Variants in FHIT observed in about 807,000 individuals in gnomAD.
FHIT encodes bis(5'-adenosyl)-triphosphatase.
In FHIT, 19 loss-of-function variants were observed where a neutral mutation model predicts 17.9. The ratio of observed to expected loss-of-function variants is 1.06; its 90% CI spans 0.74 to 1.56. The LOEUF (loss-of-function observed/expected upper bound fraction) is 1.56, where lower values mean the gene tolerates loss of function less well. Among genes scored for constraint, FHIT ranks in the 40% most tolerant of loss-of-function variants. The pLI, the probability that FHIT is intolerant of heterozygous loss-of-function variation, is 0.00. For synonymous variants in FHIT, 81 were observed against 69.7 expected, an observed-to-expected ratio of 1.16 and a Z score of -0.81; for missense variants, 248 against 189.2, an observed-to-expected ratio of 1.31 and a Z score of -1.82.
At chr3:60,042,791 T>C (rs1701494935) in intron 5 of FHIT, among the ~76,000 whole-genome samples, 1 of 152,036 alleles carries the variant, frequency 6.6e-6, no homozygotes, top group Admixed American at 6.6e-5. Context: ...AAGATATTAA[T>C]GTTCAAAAAA....
chr3:60,652,504 A>AG (rs1279956101), intron 4 of FHIT, among the ~76,000 whole-genome samples: 2 of 152,012 alleles, frequency 1.3e-5, no homozygotes, highest in Non-Finnish European at 2.9e-5. Context: ...GAGGCCCAGG[A>AG]GGGCGGATCA....
intron 8 of FHIT, among the ~76,000 whole-genome samples, chr3:59,804,267 G>T: frequency 6.6e-6 from 1 of 152,276 alleles, no homozygotes; most frequent in Non-Finnish European, 1.5e-5. Flanking sequence ...ACTGCCAGGC[G>T]TCGGTCAAGT....
chr3:60,151,502 T>C (rs1700463625), intron 5 of FHIT, among the ~76,000 whole-genome samples: 1 of 152,142 alleles, frequency 6.6e-6, no homozygotes, highest in Non-Finnish European at 1.5e-5. Flanking sequence ...ACAGATGAGA[T>C]CACAGCACTA....
rs546466773 is a variant in FHIT at position 59,850,743 on chromosome 3, G to C, written c.348+71603C>G. 2.0e-5 allele frequency among the ~76,000 whole-genome samples: 3 copies of C among 152,296 alleles called. No homozygotes were observed. In the East Asian group the frequency reaches 5.8e-4, roughly 29 times the overall value. ...AACAATGACTGAAGGACTCACACAT[G>C]TCTGAGAAAAGGCACCTTGTGGGTG... On this transcript the variant is annotated intron_variant, in intron 8 of 9. Transcript: ENST00000492590.
At chr3:61,208,956 G>T in intron 1 of FHIT, among the ~76,000 whole-genome samples, 1 of 151,624 alleles carries the variant, frequency 6.6e-6, no homozygotes, top group Non-Finnish European at 1.5e-5. Context: ...GGCTGGTACT[G>T]GTTGTTCCTT....
In FHIT at chr3:60,285,500, G is replaced by C. The variant is rs183117702; in HGVS notation, c.103+251360C>G. Among the ~76,000 whole-genome samples, 3 of 152,244 alleles carry C rather than the reference G, an allele frequency of 2.0e-5. No individual in the cohort carries two copies. The South Asian group carries it at 6.2e-4, about 32-fold the overall frequency. ...CTTAATCTTCATAAAGCCTGTGATGGATTTTTCACTTGTCTACTTGGCTAA... is the reference window on the plus strand; with the variant it reads ...CTTAATCTTCATAAAGCCTGTGATGCATTTTTCACTTGTCTACTTGGCTAA... On this transcript the variant is annotated intron_variant, in intron 5 of 9. Transcript: ENST00000492590.
chr3:59,937,548 T>G (rs1706303551), intron 7 of FHIT, among the ~76,000 whole-genome samples: 1 of 152,192 alleles, frequency 6.6e-6, no homozygotes, highest in Non-Finnish European at 1.5e-5. Context: ...GTGCAACATT[T>G]TAAAACTGTG....
intron 5 of FHIT, among the ~76,000 whole-genome samples, chr3:60,265,482 ACCTTC>A (rs1307300799): frequency 2.0e-5 from 3 of 152,018 alleles, no homozygotes; most frequent in African/African-American, 7.2e-5. Flanking sequence ...ATACATGTAA[ACCTTC>A]ATGAGTACGG....
At chr3:60,964,262 G>GT (rs542590002) in intron 3 of FHIT, among the ~76,000 whole-genome samples, 2,039 of 145,532 alleles carry the variant, frequency 0.014, 23 homozygotes, top group Middle Eastern at 0.033. Context: ...ACCCCTGCTT[G>GT]TTTTTTTTTT....
intron 4 of FHIT, among the ~76,000 whole-genome samples, chr3:60,722,390 G>A (rs1260411760): frequency 6.6e-6 from 1 of 152,182 alleles, no homozygotes; most frequent in Non-Finnish European, 1.5e-5. Flanking sequence ...TAAAAGGTGA[G>A]GTAGTTATTG....
intron 4 of FHIT, among the ~76,000 whole-genome samples, chr3:60,671,773 C>A (rs2107843338): frequency 4.8e-5 from 2 of 41,594 alleles, no homozygotes; most frequent in Middle Eastern, 0.011. Flanking sequence ...AACCCCATCT[C>A]TACTAAAAAA....
At chr3:60,106,775 C>T (rs775715976) in intron 5 of FHIT, among the ~76,000 whole-genome samples, 42 of 152,254 alleles carry the variant, frequency 2.8e-4, no homozygotes, top group Middle Eastern at 3.4e-3. Context: ...TATTGATGGA[C>T]GGCAGGAAAC....
intron 3 of FHIT, among the ~76,000 whole-genome samples, chr3:61,011,145 T>C (rs1419287950): frequency 2.0e-5 from 3 of 152,192 alleles, no homozygotes; most frequent in African/African-American, 7.2e-5. Flanking sequence ...TAATTTTAGA[T>C]TATAAAAGTT....
intron 5 of FHIT, among the ~76,000 whole-genome samples, chr3:60,279,126 T>C (rs548938181): frequency 2.0e-5 from 3 of 152,118 alleles, no homozygotes; most frequent in African/African-American, 7.2e-5. Context: ...ATCAATAAAA[T>C]TGCTAAACCT....
intron 4 of FHIT, among the ~76,000 whole-genome samples, chr3:60,740,657 T>C (rs1357593314): frequency 1.3e-5 from 2 of 152,208 alleles, no homozygotes; most frequent in African/African-American, 2.4e-5. Flanking sequence ...CTAGAACATC[T>C]TTTATTTTCC....
In FHIT at chr3:60,922,516, C is replaced by A. The variant is rs1234602943; in HGVS notation, c.-110-100505G>T. Among the ~76,000 whole-genome samples, 7 of 152,274 alleles carry A rather than the reference C, an allele frequency of 4.6e-5. No homozygotes were observed. In the East Asian group the frequency reaches 5.8e-4, roughly 13 times the overall value. On this transcript the variant is annotated intron_variant, in intron 3 of 9. Coordinates refer to ENST00000492590, the MANE Select transcript of FHIT (RefSeq NM_002012.4). Reference sequence around the variant, plus strand: ...ATGATGTCTAGGAGGTACCCACCTTCAGGAGAAAGAAATTGCCTTTGCAAT... The same window carrying A: ...ATGATGTCTAGGAGGTACCCACCTTAAGGAGAAAGAAATTGCCTTTGCAAT...
At chr3:60,421,028 TA>T (rs1401629622) in intron 5 of FHIT, among the ~76,000 whole-genome samples, 13 of 114,918 alleles carry the variant, frequency 1.1e-4, no homozygotes, top group Non-Finnish European at 2.0e-4. Context: ...TTTCTCCCAC[TA>T]CTTTTTTTTT....
intron 5 of FHIT, among the ~76,000 whole-genome samples, chr3:60,301,026 A>G (rs1192299409): frequency 6.6e-6 from 1 of 151,864 alleles, no homozygotes; most frequent in African/African-American, 2.4e-5. Context: ...TCCCGAGTCC[A>G]TTCTAGATTC....
intron 5 of FHIT, among the ~76,000 whole-genome samples, chr3:60,038,874 G>A (rs1232522286): frequency 6.6e-6 from 1 of 152,124 alleles, no homozygotes; most frequent in African/African-American, 2.4e-5. Flanking sequence ...CTACAGTTCC[G>A]ATTGTCTAAT....
Sources: allele counts gnomAD v4.1 joint callset (sites outside exome capture counted in the v4.1 genomes callset), GRCh38; gene constraint gnomAD v4.1.1; transcripts MANE v1.5; gene names NCBI Gene and HGNC (gene_info 2026-07-23, HGNC 2026-07-21).